The following TMEM120A variants were observed in gnomAD, a reference collection of about 807,000 sequenced individuals.
The protein encoded by TMEM120A is ion channel TACAN.
In TMEM120A, 45 loss-of-function variants were observed where a neutral mutation model predicts 54.3. That is an observed-to-expected ratio of 0.83 (90% CI 0.65 to 1.06). TMEM120A has a LOEUF of 1.06. Ranked by LOEUF, TMEM120A falls within the 50% of genes least tolerant of loss-of-function variation. The probability of loss-of-function intolerance (pLI) is 0.00; values close to 1 mark genes in which losing one functional copy is unlikely to be tolerated. For missense variants in TMEM120A, 424 were observed against 441.7 expected (o/e 0.96, Z 0.36); for synonymous variants, 204 against 178.5 (o/e 1.14, Z -1.14).
chr7:75,988,600 GGTA>G (rs1789660650), intron 4 of TMEM120A, 84 bp from the exon 5 acceptor site: 1 of 835,926 alleles, frequency 1.2e-6, no homozygotes. Context: ...CTGAGCCAAG[GGTA>G]GTCGGATGGA....
Position 75,987,824 on chromosome 7 carries a change from A to C in TMEM120A, c.692-14T>G, listed in dbSNP as rs782179851. On this transcript the variant is annotated splice_polypyrimidine_tract_variant and intron_variant, in intron 8 of 11. Transcript: ENST00000493111. ...ACTGCACGAAGCCTGGGCCGGGCGG[A>C]GGACAGAGGAGCAGGGCTGAGCCCC... 3.7e-6 allele frequency: 6 copies of C among 1,609,772 alleles called. No individual in the cohort carries two copies. Among genetic ancestry groups the C allele is most frequent in the Non-Finnish European group, 5.1e-6 (6 of 1,178,656 alleles).
At chr7:75,993,508 G>T (rs1789924677) in intron 1 of TMEM120A, among the ~76,000 whole-genome samples, 1 of 152,276 alleles carries the variant, frequency 6.6e-6, no homozygotes, top group African/African-American at 2.4e-5. Context: ...GCTGTGGCCA[G>T]GACAGCGGCG....
intron 3 of TMEM120A, 137 bp from the exon 4 acceptor site, chr7:75,989,361 G>T (rs558805692): frequency 3.0e-6 from 2 of 675,100 alleles, no homozygotes; most frequent in South Asian, 3.3e-5. Flanking sequence ...CCTTGGCATC[G>T]GGTTCTGACC....
chr7:75,986,914 C>T lies in TMEM120A; in HGVS notation c.*258G>A, dbSNP rs546136500. On this transcript the variant is annotated 3_prime_UTR_variant, in exon 12 of 12. Transcript: ENST00000493111. ...TCCACCTGCATCAACTTAACTAACT[C>T]AGACCCCAGGAACCCATGTGGTGGG... 35 of 592,012 alleles carry T rather than the reference C, an allele frequency of 5.9e-5. No homozygotes were observed. Among genetic ancestry groups the T allele is most frequent in the Non-Finnish European group, 6.9e-5 (23 of 334,422 alleles). 36.7% of individuals were successfully genotyped at this position (592,012 alleles called of 1,614,324 possible).
Position 75,986,901 on chromosome 7 carries a change from A to G in TMEM120A, c.*271T>C. On this transcript the variant is annotated 3_prime_UTR_variant, in exon 12 of 12. Coordinates refer to ENST00000493111, the MANE Select transcript of TMEM120A (RefSeq NM_031925.3). Reference sequence around the variant, plus strand: ...TAGATCTGGGACCTCCACCTGCATCAACTTAACTAACTCAGACCCCAGGAA... The same window carrying G: ...TAGATCTGGGACCTCCACCTGCATCGACTTAACTAACTCAGACCCCAGGAA... The G allele has an allele frequency of 1.7e-6, 1 of 585,296 alleles. No homozygotes were observed. Among genetic ancestry groups the G allele is most frequent in the Non-Finnish European group, 3.0e-6 (1 of 331,482 alleles). The allele number at this position is 585,296 out of a possible 1,614,324, so 36.3% of individuals were successfully genotyped here. A position where few individuals can be genotyped will look rare whatever the true frequency, so the allele number is the denominator to read the frequency against.
In TMEM120A at chr7:75,987,950, G is replaced by C; in HGVS notation, c.664C>G (p.Gln222Glu). ...TGGTACATGGAAAAGGAGAGGAATT[G>C]GTTCCGGAATTTCTGGTACATGAGA... is the stretch of plus-strand genomic sequence containing the variant. ...DGLMYQKFRN[Q>E]FLSFSMYQSF... Residue 222 changes from glutamine to glutamate, a missense_variant, in exon 8 of 12, where the codon CAA (glutamine) becomes GAA (glutamate). Transcript: ENST00000493111. The C allele has an allele frequency of 6.2e-7, 1 of 1,603,480 alleles. No individual in the cohort carries two copies. The highest frequency in any genetic ancestry group is 1.1e-5 in the South Asian group (1 of 89,440).
intron 3 of TMEM120A, among the ~76,000 whole-genome samples, chr7:75,991,672 G>A: frequency 6.6e-6 from 1 of 152,078 alleles, no homozygotes; most frequent in East Asian, 1.9e-4. Flanking sequence ...AAAAAGTGCT[G>A]GGATTACAGG....
At position 75,986,835 on chromosome 7, in the gene TMEM120A, A is replaced by G; in HGVS notation, c.*337T>C. 5.2e-6 allele frequency: 3 copies of G among 571,624 alleles called. No individual in the cohort carries two copies. Among genetic ancestry groups the G allele is most frequent in the Non-Finnish European group, 9.2e-6 (3 of 325,024 alleles). The allele number at this position is 571,624 out of a possible 1,614,324, so 35.4% of individuals were successfully genotyped here. A position where few individuals can be genotyped will look rare whatever the true frequency, so the allele number is the denominator to read the frequency against. ...ATTTTAAATAACCTCTGGCCCTTGG[A>G]ATAAAGTTCTGTTTTCTGTATTTGC... On this transcript the variant is annotated 3_prime_UTR_variant, in exon 12 of 12. Coordinates refer to ENST00000493111, the MANE Select transcript of TMEM120A (RefSeq NM_031925.3).
chr7:75,990,936 C>A (rs138434430), intron 3 of TMEM120A, among the ~76,000 whole-genome samples: 2,469 of 149,932 alleles, frequency 0.016, 35 homozygotes, highest in Non-Finnish European at 0.023. Flanking sequence ...CTAGACTTGG[C>A]TGTCTCCCTT....
intron 4 of TMEM120A, 64 bp downstream of exon 4, chr7:75,989,101 G>C (rs1585143005): frequency 2.2e-6 from 1 of 462,150 alleles, no homozygotes; most frequent in Non-Finnish European, 3.8e-6. Context: ...TTGAGGGGGG[G>C]AGGGGGGTAG....
chr7:75,987,218 A>G lies in TMEM120A; in HGVS notation c.986T>C (p.Val329Ala), dbSNP rs1554559923. ...CCGCTGACTGTGAAACTTGTGGTGC[A>G]CAACCCTCAGGGTGGTGAAGAAATT... ...LGNFFTTLRV[V>A]HHKFHSQRHG... The change falls in exon 12 of 12, where the codon GTG becomes GCG. Residue 329 changes from valine to alanine, a missense_variant. Physicochemically the swap from Val to Ala is moderately conservative, Grantham distance 64 (BLOSUM62 0). Coordinates refer to ENST00000493111, the MANE Select transcript of TMEM120A (RefSeq NM_031925.3). 6.2e-7 allele frequency: 1 copy of G among 1,609,110 alleles called. No individual in the cohort carries two copies. Among genetic ancestry groups the G allele is most frequent in the African/African-American group, 1.3e-5 (1 of 74,968 alleles).
At chr7:75,993,941 T>C (rs1290898879) in intron 1 of TMEM120A, among the ~76,000 whole-genome samples, 1 of 151,694 alleles carries the variant, frequency 6.6e-6, no homozygotes, top group Non-Finnish European at 1.5e-5. Flanking sequence ...CTGCAGGGCC[T>C]AGCCCCGCCC....
intron 10 of TMEM120A, 30 bp downstream of exon 10, chr7:75,987,507 AG>A: frequency 6.3e-7 from 1 of 1,576,940 alleles, no homozygotes; most frequent in Non-Finnish European, 8.6e-7. Context: ...ACGGACAGAC[AG>A]ACAGGCAGGG....
rs781967880 is a variant in TMEM120A at position 75,987,968 on chromosome 7, A to G, written c.646T>C (p.Tyr216His). 1 of 1,602,182 alleles carries G rather than the reference A, an allele frequency of 6.2e-7. No individual in the cohort carries two copies. The highest frequency in any genetic ancestry group is 8.5e-7 in the Non-Finnish European group (1 of 1,174,918). The part of the protein sequence containing the change: ...VMLTWPDGLM[Y>H]QKFRNQFLSF... ...AGGAATTGGTTCCGGAATTTCTGGT[A>G]CATGAGACCGTCGGGCCTAAGGTAA... Residue 216 changes from tyrosine to histidine, a missense_variant, in exon 8 of 12, where the codon TAC (tyrosine) becomes CAC (histidine). Transcript: ENST00000493111.
At position 75,987,280 on chromosome 7, in the gene TMEM120A, A is replaced by G; in HGVS notation, c.924T>C (p.Leu308=). The change falls in exon 12 of 12, where the codon CTT becomes CTC. Residue 308 remains leucine, a synonymous_variant. Transcript: ENST00000493111. The stretch of plus-strand genomic sequence containing the variant: ...GGAGGAGGAAGGGAAAGCCGCACAT[A>G]AGCACCTGCCGGAGGAATAGGGTGA... ...QDPQCKEWQV[L]MCGFPFLLLF... is the part of the protein sequence containing the mutation. The G allele has an allele frequency of 6.3e-7, 1 of 1,599,082 alleles. No homozygotes were observed. The highest frequency in any genetic ancestry group is 8.5e-7 in the Non-Finnish European group (1 of 1,173,664).
chr7:75,989,463 C>A (rs1235175645), intron 3 of TMEM120A, among the ~76,000 whole-genome samples: 1 of 149,388 alleles, frequency 6.7e-6, no homozygotes, highest in Non-Finnish European at 1.5e-5. Context: ...TGTTCCCCCC[C>A]ATCTCCAGAG....
chr7:75,987,406 A>G lies in TMEM120A; in HGVS notation c.872T>C (p.Leu291Pro). 6.4e-7 allele frequency: 1 copy of G among 1,564,434 alleles called. No homozygotes were observed. ...FGHFWQLFNALTLFNLAQDPQ... is the reference protein window; with the variant it reads ...FGHFWQLFNAPTLFNLAQDPQ... ...GTCCTGGGCCAGGTTGAACAACGTC[A>G]GCGCGTTAAAAAGCTGCCAGAACTA... Residue 291 changes from leucine (L) to proline (P), a missense_variant, in exon 11 of 12, where the codon CTG (leucine) becomes CCG (proline). Coordinates refer to ENST00000493111, the MANE Select transcript of TMEM120A (RefSeq NM_031925.3).
intron 8 of TMEM120A, 46 bp downstream of exon 8, chr7:75,987,877 A>G (rs782784679): frequency 6.8e-5 from 108 of 1,597,990 alleles, no homozygotes; most frequent in Non-Finnish European, 8.1e-5. Context: ...CCTGCCCCCC[A>G]CCACGGGTGC....
intron 3 of TMEM120A, among the ~76,000 whole-genome samples, chr7:75,989,775 AC>A (rs781953005): frequency 5.3e-5 from 8 of 151,194 alleles, no homozygotes; most frequent in Non-Finnish European, 1.2e-4. Context: ...CTTGTCCCTC[AC>A]CGAGGCCCCC....
Sources: allele counts gnomAD v4.1 joint callset (sites outside exome capture counted in the v4.1 genomes callset), GRCh38; gene constraint gnomAD v4.1.1; transcripts MANE v1.5; gene names NCBI Gene and HGNC (gene_info 2026-07-23, HGNC 2026-07-21).